The following RFC3 variants were observed in gnomAD, a reference collection of about 807,000 sequenced individuals.
RFC3 encodes A1 38 kDa subunit.
RFC3 carries 41 observed loss-of-function variants against 45.1 expected under a neutral mutation model. The ratio of observed to expected loss-of-function variants is 0.91; its 90% CI spans 0.71 to 1.18. The LOEUF (loss-of-function observed/expected upper bound fraction) is 1.18, where lower values mean the gene tolerates loss of function less well. Among genes scored for constraint, RFC3 ranks in the 50% most tolerant of loss-of-function variants. RFC3 has a pLI of 0.00. For missense variants in RFC3, 423 were observed against 428.1 expected, an observed-to-expected ratio of 0.99 and a Z score of 0.10; for synonymous variants, 149 against 144.0, an observed-to-expected ratio of 1.03 and a Z score of -0.25.
chr13:33,881,528 T>A (rs7983645), intron 8 of RFC3, among the ~76,000 whole-genome samples: 9,209 of 152,056 alleles, frequency 0.061, 571 homozygotes, highest in East Asian at 0.16. Context: ...CACTTGACTC[T>A]CAGGCCTCGC....
chr13:33,864,921 G>T (rs899815899), intron 8 of RFC3, among the ~76,000 whole-genome samples: 1 of 152,068 alleles, frequency 6.6e-6, no homozygotes. Flanking sequence ...TTGCAGAGGC[G>T]ATTTTGAGAT....
chr13:33,880,277 A>G (rs114735050), intron 8 of RFC3, among the ~76,000 whole-genome samples: 195 of 152,372 alleles, frequency 1.3e-3, no homozygotes, highest in African/African-American at 4.5e-3. Context: ...GGATTCTAAT[A>G]TAGTCAAATT....
At chr13:33,938,184 C>CAAAAAAAAAAAAAAAAAAAAAAAAAAAAA (rs34685731) in intron 8 of RFC3, among the ~76,000 whole-genome samples, 2 of 70,768 alleles carry the variant, frequency 2.8e-5, no homozygotes, top group African/African-American at 1.2e-4. Flanking sequence ...AGTCCAACTG[C>CAAAAAAAAAAAAAAAAAAAAAAAAAAAAA]AAAAAAAAAA....
intron 8 of RFC3, among the ~76,000 whole-genome samples, chr13:33,916,874 A>G (rs979460573): frequency 1.3e-5 from 2 of 152,166 alleles, no homozygotes; most frequent in African/African-American, 4.8e-5. Context: ...TGCCAAATGC[A>G]TTTTTGGTTT....
chr13:33,829,629 T>C, intron 4 of RFC3: 2 of 577,662 alleles, frequency 3.5e-6, no homozygotes, highest in Non-Finnish European at 3.0e-6. Context: ...ATTTATATGA[T>C]CTGAAGAGAA....
chr13:33,824,166 C>A (rs775907842), intron 3 of RFC3, among the ~76,000 whole-genome samples, 182 bp downstream of exon 3: 4 of 152,086 alleles, frequency 2.6e-5, no homozygotes, highest in Non-Finnish European at 5.9e-5. Context: ...TCCTGTTTTG[C>A]CTTCTGTGTC....
intron 8 of RFC3, among the ~76,000 whole-genome samples, chr13:33,946,752 C>A (rs999642499): frequency 1.3e-5 from 2 of 152,150 alleles, no homozygotes; most frequent in African/African-American, 4.8e-5. Flanking sequence ...AAGGGAGAAT[C>A]ATTTTAATAG....
At chr13:33,913,633 T>G (rs1163710125) in intron 8 of RFC3, among the ~76,000 whole-genome samples, 1 of 152,088 alleles carries the variant, frequency 6.6e-6, no homozygotes, top group Admixed American at 6.6e-5. Flanking sequence ...TGACACTACC[T>G]AGTTAGATAT....
In RFC3 at chr13:33,896,665, T is replaced by C. The variant is rs146471968; in HGVS notation, c.879+61448T>C. On this transcript the variant is annotated intron_variant, in intron 8 of 8. Transcript: ENST00000434425. ...AGGCAGAGGTTGCAGTGAGCTGAGA[T>C]TGCACTGCTGCACTCCAGCCTGGGC... 4.6e-3 allele frequency among the ~76,000 whole-genome samples: 601 copies of C among 129,352 alleles called. 6 individuals are homozygous for C. The highest frequency in any genetic ancestry group is 0.015 in the African/African-American group (520 of 34,214). 84.9% of individuals were successfully genotyped at this position (129,352 alleles called of 152,430 possible).
chr13:33,929,406 C>T (rs2082837922), intron 8 of RFC3, among the ~76,000 whole-genome samples: 1 of 152,008 alleles, frequency 6.6e-6, no homozygotes, highest in Non-Finnish European at 1.5e-5. Context: ...ACTATACTTT[C>T]TTTATAGAGA....
intron 8 of RFC3, among the ~76,000 whole-genome samples, chr13:33,872,087 G>T (rs1326651256): frequency 6.6e-6 from 1 of 152,122 alleles, no homozygotes; most frequent in Admixed American, 6.5e-5. Flanking sequence ...AGAGATAAGA[G>T]AACTCTTGCC....
chr13:33,938,238 A>C, intron 8 of RFC3, among the ~76,000 whole-genome samples: 1 of 151,170 alleles, frequency 6.6e-6, no homozygotes, highest in Admixed American at 6.6e-5. Flanking sequence ...ATGACTTCAA[A>C]GCAATGAAAT....
At chr13:33,930,642 A>G (rs1246573029) in intron 8 of RFC3, among the ~76,000 whole-genome samples, 2 of 152,140 alleles carry the variant, frequency 1.3e-5, no homozygotes, top group East Asian at 3.9e-4. Context: ...CTTCAATCCA[A>G]TCAAGTTGAC....
intron 8 of RFC3, among the ~76,000 whole-genome samples, chr13:33,862,906 G>GT (rs1319600774): frequency 6.6e-6 from 1 of 152,156 alleles, no homozygotes; most frequent in Non-Finnish European, 1.5e-5. Flanking sequence ...CAGCTGCACT[G>GT]TTTCATCATA....
intron 8 of RFC3, among the ~76,000 whole-genome samples, chr13:33,884,271 C>G (rs917101777): frequency 2.0e-5 from 3 of 152,192 alleles, no homozygotes; most frequent in African/African-American, 7.2e-5. Context: ...TTGGGTTCTG[C>G]GCTGACCAAA....
chr13:33,918,114 G>A (rs2082745064), intron 8 of RFC3, among the ~76,000 whole-genome samples: 1 of 152,164 alleles, frequency 6.6e-6, no homozygotes, highest in Non-Finnish European at 1.5e-5. Flanking sequence ...GAGCAGGAGA[G>A]TGACAGAGCT....
In RFC3 at chr13:33,963,328, T is replaced by C. The variant is rs910618617; in HGVS notation, c.880-2759T>C. On this transcript the variant is annotated intron_variant, in intron 8 of 8. Coordinates refer to the RFC3 transcript ENST00000434425. ...GTCAAATAGGAGACTCTGTGTGACCTAATATTTCCTGGCAGACATGAAGGC... is the reference window on the plus strand; with the variant it reads ...GTCAAATAGGAGACTCTGTGTGACCCAATATTTCCTGGCAGACATGAAGGC... Among the ~76,000 whole-genome samples the C allele has an allele frequency of 2.6e-4, 40 of 152,210 alleles. 1 individual carries two copies. The highest frequency in any genetic ancestry group is 9.4e-4 in the African/African-American group (39 of 41,466).
intron 8 of RFC3, among the ~76,000 whole-genome samples, chr13:33,933,286 A>G (rs573620139): frequency 6.6e-6 from 1 of 152,260 alleles, no homozygotes; most frequent in South Asian, 2.1e-4. Context: ...GGGTGAACAA[A>G]GAATGTGCAA....
chr13:33,968,441 A>G (rs2083097775), downstream of RFC3, among the ~76,000 whole-genome samples: 1 of 152,176 alleles, frequency 6.6e-6, no homozygotes, highest in South Asian at 2.1e-4. Flanking sequence ...TTTACTCTTT[A>G]CAAATGTAGC....
Sources: gnomAD v4.1 joint callset for allele counts (sites outside exome capture counted in the v4.1 genomes callset) on GRCh38, gnomAD v4.1.1 for gene constraint, MANE v1.5 for transcripts, NCBI Gene and HGNC (gene_info 2026-07-23, HGNC 2026-07-21) for gene names.